ZFPM1: variants seen among roughly 807,000 people sequenced by gnomAD.
The protein encoded by ZFPM1 is zinc finger protein ZFPM1.
Under a neutral mutation model 46.3 loss-of-function variants are expected in ZFPM1, and 28 were observed. That is an observed-to-expected ratio of 0.60 (90% confidence interval 0.45 to 0.83). ZFPM1 has a LOEUF of 0.83. Among genes scored for constraint, ZFPM1 ranks in the 40% least tolerant of loss-of-function variants. ZFPM1 has a pLI of 0.00. For missense variants in ZFPM1, 1,878 were observed against 1,432.4 expected (o/e 1.31, Z -5.02); for synonymous variants, 957 against 675.9 (o/e 1.42, Z -6.45).
intron 3 of ZFPM1, among the ~76,000 whole-genome samples, chr16:88,498,445 A>T (rs868603259): frequency 6.6e-5 from 10 of 152,216 alleles, no homozygotes; most frequent in Non-Finnish European, 1.5e-4. Flanking sequence ...GCCCGGGAGC[A>T]GTTAAGAGAA....
chr16:88,482,863 A>T (rs1414282807), intron 1 of ZFPM1, among the ~76,000 whole-genome samples: 9 of 152,222 alleles, frequency 5.9e-5, no homozygotes, highest in African/African-American at 1.9e-4. Context: ...GCTCCCGCCA[A>T]GTCGGGGATG....
chr16:88,513,683 G>A (rs1419806589), intron 3 of ZFPM1, among the ~76,000 whole-genome samples: 3 of 152,224 alleles, frequency 2.0e-5, no homozygotes, highest in Non-Finnish European at 4.4e-5. Flanking sequence ...CTAAGTTAGC[G>A]TGACCTGGGG....
chr16:88,522,917 C>G (rs987145511), intron 4 of ZFPM1, among the ~76,000 whole-genome samples: 13 of 152,172 alleles, frequency 8.5e-5, no homozygotes, highest in African/African-American at 3.1e-4. Context: ...AATAGGCCCC[C>G]TCCCAAGGCC....
At chr16:88,522,744 C>G (rs944085484) in intron 4 of ZFPM1, among the ~76,000 whole-genome samples, 3 of 152,120 alleles carry the variant, frequency 2.0e-5, no homozygotes, top group African/African-American at 7.2e-5. Flanking sequence ...CAGGGCAACC[C>G]CAAGGGGCGG....
intron 6 of ZFPM1, chr16:88,531,041 A>G (rs1912746686): frequency 6.6e-6 from 1 of 152,264 alleles, no homozygotes; most frequent in Admixed American, 6.5e-5. Flanking sequence ...CAGGATCAAC[A>G]TCGGAGAAGC....
At chr16:88,532,347 C>A in intron 7 of ZFPM1, 112 bp downstream of exon 7, 2 of 1,140,592 alleles carry the variant, frequency 1.8e-6, no homozygotes, top group Non-Finnish European at 2.4e-6. Flanking sequence ...CACCATTCAC[C>A]TGCGCGGTCT....
intron 1 of ZFPM1, among the ~76,000 whole-genome samples, chr16:88,476,112 G>C (rs1908670771): frequency 6.6e-6 from 1 of 152,150 alleles, no homozygotes; most frequent in Non-Finnish European, 1.5e-5. Flanking sequence ...GCAGGTAGCA[G>C]GGCACCTTGC....
chr16:88,489,145 G>A lies in ZFPM1; in HGVS notation c.260G>A (p.Ser87Asn). The A allele has an allele frequency of 6.2e-7, 1 of 1,603,094 alleles. No homozygotes were observed. The highest frequency in any genetic ancestry group is 8.5e-7 in the Non-Finnish European group (1 of 1,175,308). ...GAGGAAGAGCCGGGCAGTCCCTGGA[G>A]CGGGCCAGGTAACCACGCGGGTGGT... ...PTEEEPGSPW[S>N]GPDELEPVVQ... Residue 87 changes from serine to asparagine, a missense_variant, in exon 3 of 10, where the codon AGC (serine) becomes AAC (asparagine). Ser to Asn is a conservative substitution (Grantham distance 46). Transcript: ENST00000319555.
intron 1 of ZFPM1, among the ~76,000 whole-genome samples, chr16:88,474,413 A>T (rs1453828896): frequency 6.6e-6 from 1 of 152,088 alleles, no homozygotes; most frequent in Non-Finnish European, 1.5e-5. Flanking sequence ...CAGCCCAGGG[A>T]CCCTACCACA....
intron 2 of ZFPM1, among the ~76,000 whole-genome samples, chr16:88,487,695 C>T (rs572999095): frequency 6.6e-6 from 1 of 152,140 alleles, no homozygotes; most frequent in Non-Finnish European, 1.5e-5. Flanking sequence ...GGGCCGCGGC[C>T]CCAAGAGCCC....
intron 1 of ZFPM1, among the ~76,000 whole-genome samples, chr16:88,463,069 A>G (rs945477528): frequency 3.9e-5 from 6 of 152,094 alleles, no homozygotes; most frequent in Non-Finnish European, 8.8e-5. Flanking sequence ...ACCTGCACCC[A>G]TCACCGCCTC....
At chr16:88,503,028 G>A (rs1910457012) in intron 3 of ZFPM1, among the ~76,000 whole-genome samples, 1 of 152,246 alleles carries the variant, frequency 6.6e-6, no homozygotes, top group Admixed American at 6.5e-5. Flanking sequence ...TCTTCGGCAG[G>A]TGGGAGGTGG....
At position 88,533,454 on chromosome 16, in the gene ZFPM1, G is replaced by A. The variant is rs1327372920; in HGVS notation, c.1496G>A (p.Arg499Lys). The change falls in exon 10 of 10, where the codon AGG becomes AAG. Residue 499 changes from arginine (R) to lysine (K), a missense_variant. Arg to Lys is a conservative substitution (Grantham distance 26, BLOSUM62 2). Transcript: ENST00000319555. Reference sequence around the variant, plus strand: ...TCGCCGCGCAGCCCCGCCCCGGCCAGGGTCAAGGCCGAGCTGTCCAGCCCC... The same window carrying A: ...TCGCCGCGCAGCCCCGCCCCGGCCAAGGTCAAGGCCGAGCTGTCCAGCCCC... ...TPSPRSPAPA[R>K]VKAELSSPTP... 7.0e-6 allele frequency: 10 copies of A among 1,437,302 alleles called. No homozygotes were observed. The highest frequency in any genetic ancestry group is 8.1e-6 in the Non-Finnish European group (9 of 1,104,376). The allele number at this position is 1,437,302 out of a possible 1,614,324, so 89.0% of individuals were successfully genotyped here.
intron 3 of ZFPM1, among the ~76,000 whole-genome samples, chr16:88,509,110 G>A (rs1165462046): frequency 6.6e-6 from 1 of 152,172 alleles, no homozygotes; most frequent in Non-Finnish European, 1.5e-5. Flanking sequence ...TGGTGTTCTC[G>A]GGGCCCACGT....
chr16:88,486,198 G>A (rs763352383), intron 2 of ZFPM1, among the ~76,000 whole-genome samples, 155 bp downstream of exon 2: 7 of 152,238 alleles, frequency 4.6e-5, no homozygotes, highest in Non-Finnish European at 8.8e-5. Flanking sequence ...CCTGTTGCCC[G>A]GAGGCCCTCG....
intron 1 of ZFPM1, among the ~76,000 whole-genome samples, chr16:88,459,046 C>T: frequency 6.6e-6 from 1 of 152,250 alleles, no homozygotes; most frequent in Admixed American, 6.5e-5. Context: ...CCCGTCAGGG[C>T]TGAGCCCCTC....
intron 4 of ZFPM1, among the ~76,000 whole-genome samples, chr16:88,521,131 T>C (rs1469078923): frequency 6.6e-6 from 1 of 151,372 alleles, no homozygotes; most frequent in Non-Finnish European, 1.5e-5. Flanking sequence ...CATGGATGGA[T>C]GGATGGATGA....
At chr16:88,530,014 C>T (rs188132822) in intron 6 of ZFPM1, among the ~76,000 whole-genome samples, 4 of 152,276 alleles carry the variant, frequency 2.6e-5, no homozygotes, top group East Asian at 1.9e-4. Flanking sequence ...GAAGAGAACA[C>T]GGGCCGCAGG....
At chr16:88,468,030 G>A (rs1401153853) in intron 1 of ZFPM1, among the ~76,000 whole-genome samples, 1 of 56,262 alleles carries the variant, frequency 1.8e-5, no homozygotes, top group Non-Finnish European at 3.4e-5. Context: ...ACACACCCGC[G>A]AGCCCACCGC....
Sources: gnomAD v4.1 joint callset for allele counts (sites outside exome capture counted in the v4.1 genomes callset) on GRCh38, gnomAD v4.1.1 for gene constraint, MANE v1.5 for transcripts, NCBI Gene and HGNC (gene_info 2026-07-23, HGNC 2026-07-21) for gene names.